The following FNDC3A variants were observed in gnomAD, a reference collection of about 807,000 sequenced individuals.
The protein encoded by FNDC3A is fibronectin type III domain containing 3A.
In FNDC3A, 32 loss-of-function variants were observed where a neutral mutation model predicts 148.9. That is an observed-to-expected ratio of 0.21 (90% confidence interval 0.16 to 0.29). The LOEUF (loss-of-function observed/expected upper bound fraction) is 0.29, where lower values mean the gene tolerates loss of function less well. Ranked by LOEUF, FNDC3A falls within the 10% of genes least tolerant of loss-of-function variation. The pLI is 1.00. For missense variants in FNDC3A, 1,191 were observed against 1,452.8 expected (o/e 0.82, Z 2.93); for synonymous variants, 472 against 473.6 (o/e 1.00, Z 0.04).
At chr13:49,015,134 A>G (rs557528591) in intron 2 of FNDC3A, among the ~76,000 whole-genome samples, 2 of 152,306 alleles carry the variant, frequency 1.3e-5, no homozygotes, top group African/African-American at 4.8e-5. Context: ...AATTCTGTGA[A>G]GAAAGTCATT....
At chr13:49,119,314 A>T (rs568458548) in intron 4 of FNDC3A, among the ~76,000 whole-genome samples, 2 of 152,304 alleles carry the variant, frequency 1.3e-5, no homozygotes, top group East Asian at 3.9e-4. Flanking sequence ...ACATCAAGAA[A>T]CACGATGTCC....
At chr13:49,094,918 C>T (rs992224311) in intron 3 of FNDC3A, among the ~76,000 whole-genome samples, 1 of 151,882 alleles carries the variant, frequency 6.6e-6, no homozygotes, top group African/African-American at 2.4e-5. Context: ...AAAATTAACT[C>T]TTTTGTAATA....
rs1157553147 is a variant in FNDC3A, at chr13:48,975,982, T to C, written c.-235T>C. The C allele has an allele frequency of 6.6e-6, 1 of 152,340 alleles. No individual in the cohort carries two copies. The highest frequency in any genetic ancestry group is 1.5e-5 in the Non-Finnish European group (1 of 68,430). The allele number at this position is 152,340 out of a possible 1,614,324, so 9.4% of individuals were successfully genotyped here. ...CTCGGGTGAAACAGAAAGCGGGAGC[T>C]ACGCGGAGAGGGAGCGAAGAGCGGG... On this transcript the variant is annotated 5_prime_UTR_variant, in exon 1 of 26. Coordinates refer to ENST00000492622, the MANE Select transcript of FNDC3A (RefSeq NM_001079673.2).
chr13:49,005,518 G>T (rs1478801697), intron 1 of FNDC3A, among the ~76,000 whole-genome samples: 1 of 151,704 alleles, frequency 6.6e-6, no homozygotes, highest in Non-Finnish European at 1.5e-5. Flanking sequence ...TGAAATTATT[G>T]ATTTATTGTA....
intron 1 of FNDC3A, among the ~76,000 whole-genome samples, chr13:48,979,802 C>T (rs1052877789): frequency 1.3e-5 from 2 of 151,982 alleles, no homozygotes; most frequent in African/African-American, 2.4e-5. Context: ...TTTACAGTCT[C>T]GGTTGAATGT....
intron 2 of FNDC3A, among the ~76,000 whole-genome samples, chr13:49,049,069 T>C (rs2137707204): frequency 6.6e-6 from 1 of 152,354 alleles, no homozygotes; most frequent in South Asian, 2.1e-4. Context: ...ATTGAGATAA[T>C]CATGTGATTT....
At position 49,082,099 on chromosome 13, in the gene FNDC3A, G is replaced by A. The variant is rs372330613; in HGVS notation, c.175+6735G>A. Among the ~76,000 whole-genome samples the A allele has an allele frequency of 9.6e-4, 146 of 152,032 alleles. 1 individual carries two copies. Among genetic ancestry groups the A allele is most frequent in the African/African-American group, 3.4e-3 (140 of 41,464 alleles). ...TGAAATGATAGGTCAAAAACAGTAG[G>A]ATAGGCCCAGCACGGTGGCTCACGC... On this transcript the variant is annotated intron_variant, in intron 3 of 25. Transcript: ENST00000492622.
chr13:48,994,323 C>G (rs938330165), intron 1 of FNDC3A, among the ~76,000 whole-genome samples: 1 of 152,160 alleles, frequency 6.6e-6, no homozygotes, highest in African/African-American at 2.4e-5. Context: ...ACATCTGATA[C>G]AAATCCTGAT....
chr13:49,070,205 C>T (rs1277838993), intron 2 of FNDC3A, among the ~76,000 whole-genome samples: 2 of 151,970 alleles, frequency 1.3e-5, no homozygotes, highest in Non-Finnish European at 2.9e-5. Context: ...GATCTCGGCT[C>T]ACTGCAACCT....
At chr13:49,019,527 G>A (rs961273296) in intron 2 of FNDC3A, among the ~76,000 whole-genome samples, 13 of 152,186 alleles carry the variant, frequency 8.5e-5, no homozygotes, top group African/African-American at 1.2e-4. Flanking sequence ...AGATGAACCC[G>A]GTACCTCAGA....
chr13:49,136,359 A>G lies in FNDC3A; in HGVS notation c.518A>G (p.Asn173Ser), dbSNP rs745417628. 22 of 1,614,004 alleles carry G rather than the reference A, an allele frequency of 1.4e-5. No homozygotes were observed. In the African/African-American group the frequency reaches 2.3e-4, roughly 17 times the overall value. ...GCTCACTCTACACATGGAAGGTCCA[A>G]CTTTAGAGATGAACGATCTAGTAAA... is the stretch of plus-strand genomic sequence containing the variant. ...VDAHSTHGRS[N>S]FRDERSSKTY... Residue 173 changes from asparagine (N) to serine (S), a missense_variant, in exon 6 of 26, where the codon AAC becomes AGC. Asn to Ser is a conservative substitution (Grantham distance 46). Transcript: ENST00000492622.
chr13:49,197,729 C>T lies in FNDC3A; in HGVS notation c.2345C>T (p.Pro782Leu). ...TATCCTTTTCTTAATTTAAAGGTTC[C>T]TTTGAGTAATGGAACAGATGTCACT... ...ATCAQVNWEV[P>L]LSNGTDVTEY... Residue 782 changes from proline to leucine, a missense_variant, in exon 21 of 26, where the codon CCT (proline) becomes CTT (leucine). This residue lies in a region of FNDC3A where 751 missense variants were observed against 944.0 expected (regional missense o/e 0.80). Transcript: ENST00000492622. 2 of 1,601,046 alleles carry T rather than the reference C, an allele frequency of 1.2e-6. No individual in the cohort carries two copies. Among genetic ancestry groups the T allele is most frequent in the Non-Finnish European group, 1.7e-6 (2 of 1,177,056 alleles).
chr13:49,031,897 G>A (rs1035244844), intron 2 of FNDC3A, among the ~76,000 whole-genome samples: 1 of 152,146 alleles, frequency 6.6e-6, no homozygotes, highest in African/African-American at 2.4e-5. Context: ...TCTGCAAACT[G>A]TATCTGATAA....
intron 2 of FNDC3A, among the ~76,000 whole-genome samples, chr13:49,055,321 A>G (rs914832350): frequency 6.6e-6 from 1 of 151,974 alleles, no homozygotes; most frequent in African/African-American, 2.4e-5. Flanking sequence ...AGTGTAAACC[A>G]AAAATAAAAT....
At chr13:49,045,517 A>G (rs1286062185) in intron 2 of FNDC3A, 1 of 265,272 alleles carries the variant, frequency 3.8e-6, no homozygotes, top group Non-Finnish European at 7.7e-6. Flanking sequence ...TTAAATAAAT[A>G]ACCCTCCTGG....
chr13:49,058,479 G>C (rs1261721259), intron 2 of FNDC3A, among the ~76,000 whole-genome samples: 1 of 152,168 alleles, frequency 6.6e-6, no homozygotes, highest in East Asian at 1.9e-4. Context: ...AGTATGAGGG[G>C]TGGTCTCCTC....
At chr13:49,131,397 A>G in intron 5 of FNDC3A, 23 bp downstream of exon 5, 1 of 1,491,308 alleles carries the variant, frequency 6.7e-7, no homozygotes, top group Non-Finnish European at 9.4e-7. Flanking sequence ...AAAGTATTCC[A>G]CTGTTATTGA....
intron 2 of FNDC3A, among the ~76,000 whole-genome samples, chr13:49,048,375 G>A (rs916440939): frequency 2.6e-5 from 4 of 151,890 alleles, no homozygotes; most frequent in African/African-American, 7.3e-5. Flanking sequence ...ATTGCTATTG[G>A]CTGTATGGTC....
intron 2 of FNDC3A, 116 bp from the exon 3 acceptor site, chr13:49,075,173 C>G (rs1336757808): frequency 1.6e-5 from 9 of 545,616 alleles, no homozygotes; most frequent in South Asian, 6.5e-5. Flanking sequence ...TGTGTAATCC[C>G]CATTTTCCTT....
Sources: gnomAD v4.1 joint callset for allele counts (sites outside exome capture counted in the v4.1 genomes callset) on GRCh38, gnomAD v4.1.1 for gene constraint, gnomAD v4.1.1 regional missense constraint, MANE v1.5 for transcripts, NCBI Gene and HGNC (gene_info 2026-07-23, HGNC 2026-07-21) for gene names.